The following SLBP variants were observed in gnomAD, a reference collection of about 807,000 sequenced individuals.
SLBP encodes the protein histone RNA hairpin-binding protein.
A neutral mutation model predicts 39.2 loss-of-function variants in SLBP; 29 were observed. That is an observed-to-expected ratio of 0.74 (90% CI 0.55 to 1.01). The LOEUF is 1.01. Ranked by LOEUF, SLBP falls within the 50% of genes least tolerant of loss-of-function variation. SLBP has a pLI of 0.00. For missense variants in SLBP, 390 were observed against 350.2 expected (o/e 1.11, Z -0.91); for synonymous variants, 129 against 118.7 (o/e 1.09, Z -0.57).
intron 7 of SLBP, among the ~76,000 whole-genome samples, chr4:1,694,266 A>T (rs1456857612): frequency 6.6e-6 from 1 of 152,148 alleles, no homozygotes; most frequent in Non-Finnish European, 1.5e-5. Flanking sequence ...TATTTTTAGT[A>T]GAGACTGGGT....
chr4:1,711,842 A>T, intron 2 of SLBP, 32 bp downstream of exon 2: 1 of 1,209,662 alleles, frequency 8.3e-7, no homozygotes, highest in Non-Finnish European at 1.1e-6. Context: ...CAAGGGCCCC[A>T]CCGCGCCCCG....
intron 3 of SLBP, 149 bp from the exon 4 acceptor site, chr4:1,700,219 G>T: frequency 1.1e-5 from 5 of 439,528 alleles, no homozygotes; most frequent in South Asian, 6.2e-5. Context: ...GTCAGGTTCA[G>T]TTTAAGTAGT....
At position 1,699,627 on chromosome 4, in the gene SLBP, T is replaced by C; in HGVS notation, c.416A>G (p.Gln139Arg). 6 of 1,613,640 alleles carry C rather than the reference T, an allele frequency of 3.7e-6. 1 individual carries two copies. The highest frequency in any genetic ancestry group is 5.1e-6 in the Non-Finnish European group (6 of 1,179,486). Residue 139 changes from glutamine (Q) to arginine (R), a missense_variant, in exon 5 of 8, where the codon CAG (glutamine) becomes CGG (arginine). Gln to Arg is a conservative substitution (Grantham distance 43). Transcript: ENST00000489418. ...ETDESVLMRR[Q>R]KQINYGKNTI... ...GTTCTTCCCATAGTTGATCTGCTTC[T>C]GTCTCCTCATTAGGACACTTTCATC... is the stretch of plus-strand genomic sequence containing the variant.
intron 1 of SLBP, 44 bp from the exon 2 acceptor site, chr4:1,712,034 C>T: frequency 2.4e-6 from 3 of 1,253,242 alleles, no homozygotes; most frequent in Non-Finnish European, 3.0e-6. Flanking sequence ...AGGTTCGGGA[C>T]CGCCTTACAA....
intron 5 of SLBP, among the ~76,000 whole-genome samples, chr4:1,696,633 C>A (rs1221064284): frequency 6.6e-6 from 1 of 152,056 alleles, no homozygotes; most frequent in Non-Finnish European, 1.5e-5. Context: ...AGCGGTGGCT[C>A]ACACCTATAA....
chr4:1,712,001 G>A lies in SLBP; in HGVS notation c.60-11C>T, dbSNP rs552979147. ...GCGGGGGACGGCGGGCTGCGGGGAG[G>A]GACGCGGTCGGCTGGGCACGGGAGG... On this transcript the variant is annotated splice_polypyrimidine_tract_variant and intron_variant, in intron 1 of 7. Transcript: ENST00000489418. 21 of 1,286,048 alleles carry A rather than the reference G, an allele frequency of 1.6e-5. No individual in the cohort carries two copies. In the African/African-American group the frequency reaches 2.8e-4, roughly 17 times the overall value. 79.7% of individuals were successfully genotyped at this position (1,286,048 alleles called of 1,614,324 possible).
chr4:1,703,427 C>G (rs1010774758), intron 3 of SLBP, among the ~76,000 whole-genome samples, 169 bp downstream of exon 3: 2 of 151,874 alleles, frequency 1.3e-5, no homozygotes, highest in African/African-American at 4.8e-5. Flanking sequence ...ATTCGCAGGC[C>G]CAGGGAAGGG....
At chr4:1,711,253 C>T (rs2108667550) in intron 2 of SLBP, among the ~76,000 whole-genome samples, 1 of 151,892 alleles carries the variant, frequency 6.6e-6, no homozygotes. Context: ...TTCCCTCCAC[C>T]TTCACTGCTC....
Position 1,699,603 on chromosome 4 carries a change from T to G in SLBP, c.440A>C (p.Asn147Thr). The G allele has an allele frequency of 6.2e-7, 1 of 1,613,972 alleles. No individual in the cohort carries two copies. Among genetic ancestry groups the G allele is most frequent in the Non-Finnish European group, 8.5e-7 (1 of 1,179,824 alleles). Reference protein sequence around the residue: ...RRQKQINYGKNTIAYDRYIKE... With the variant: ...RRQKQINYGKTTIAYDRYIKE... ...AATATAACGATCGTAGGCAATTGTG[T>G]TCTTCCCATAGTTGATCTGCTTCTG... The change falls in exon 5 of 8, where the codon AAC becomes ACC. Residue 147 changes from asparagine to threonine, a missense_variant. By Grantham distance (65) the Asn-to-Thr change is moderately conservative. Coordinates refer to ENST00000489418, the MANE Select transcript of SLBP (RefSeq NM_006527.4).
At chr4:1,704,016 G>C (rs1171133788) in intron 2 of SLBP, among the ~76,000 whole-genome samples, 1 of 152,174 alleles carries the variant, frequency 6.6e-6, no homozygotes, top group African/African-American at 2.4e-5. Context: ...CCTATCAGCT[G>C]CATCTGTCTA....
At chr4:1,712,097 C>G (rs1037468632) in intron 1 of SLBP, 33 bp downstream of exon 1, 13 of 1,228,108 alleles carry the variant, frequency 1.1e-5, no homozygotes, top group Non-Finnish European at 1.3e-5. Context: ...ACGGGGCACG[C>G]GCTCCCTCGC....
In SLBP at chr4:1,694,763, A is replaced by G. The variant is rs750400147; in HGVS notation, c.696+11T>C. 4 of 1,600,736 alleles carry G rather than the reference A, an allele frequency of 2.5e-6. No homozygotes were observed. In the Admixed American group the frequency reaches 5.0e-5, roughly 20 times the overall value. ...AACCCCCAAGCTGAAAGACTTATCC[A>G]AAGTACTTACAAAGTCATCCTGAGA... On this transcript the variant is annotated intron_variant, in intron 7 of 7. Transcript: ENST00000489418.
rs1716794186 is a variant in SLBP, at chr4:1,711,947, C to T, written c.103G>A (p.Ala35Thr). The T allele has an allele frequency of 5.2e-6, 7 of 1,337,698 alleles. No homozygotes were observed. The highest frequency in any genetic ancestry group is 6.7e-6 in the Non-Finnish European group (7 of 1,046,238). 82.9% of individuals were successfully genotyped at this position (1,337,698 alleles called of 1,614,324 possible). The change falls in exon 2 of 8, where the codon GCC (alanine) becomes ACC (threonine). Residue 35 changes from alanine (A) to threonine (T), a missense_variant. By Grantham distance (58) the Ala-to-Thr change is moderately conservative. Coordinates refer to ENST00000489418, the MANE Select transcript of SLBP (RefSeq NM_006527.4). Reference sequence around the variant, plus strand: ...TCGGGCCTCCAGCGCCTGCCGTCGGCTCTGCGCTTCCGTCCCAGGCTCCAT... The same window carrying T: ...TCGGGCCTCCAGCGCCTGCCGTCGGTTCTGCGCTTCCGTCCCAGGCTCCAT... ...ARWSLGRKRR[A>T]DGRRWRPEDA...
rs1348188129 is a variant in SLBP, at chr4:1,692,976, T to C, written c.*621A>G. The C allele has an allele frequency of 3.3e-5, 5 of 152,662 alleles. No individual in the cohort carries two copies. The highest frequency in any genetic ancestry group is 5.9e-5 in the Non-Finnish European group (4 of 68,072). The allele number at this position is 152,662 out of a possible 1,614,324, so 9.5% of individuals were successfully genotyped here. The stretch of plus-strand genomic sequence containing the variant: ...TTTTAAAATGTTCTTTCTAAATCGC[T>C]CCACTCTGCTGCCCTAACTCTTGGA... On this transcript the variant is annotated 3_prime_UTR_variant, in exon 8 of 8. Transcript: ENST00000489418.
intron 2 of SLBP, among the ~76,000 whole-genome samples, chr4:1,709,871 G>A (rs1716671435): frequency 6.6e-6 from 1 of 152,054 alleles, no homozygotes; most frequent in Admixed American, 6.6e-5. Flanking sequence ...TTTTGCCAAG[G>A]CGCTGGGATT....
chr4:1,708,900 A>C (rs1268095758), intron 2 of SLBP, among the ~76,000 whole-genome samples: 1 of 152,218 alleles, frequency 6.6e-6, no homozygotes, highest in Admixed American at 6.5e-5. Flanking sequence ...GAGGACACCA[A>C]AAACTTCCAT....
intron 4 of SLBP, 103 bp from the exon 5 acceptor site, chr4:1,699,804 CCA>C (rs1458302071): frequency 8.8e-7 from 1 of 1,138,314 alleles, no homozygotes; most frequent in Non-Finnish European, 1.3e-6. Flanking sequence ...AAGATTCACT[CCA>C]GATTCCCAAC....
chr4:1,698,995 G>A (rs1191950338), intron 5 of SLBP, among the ~76,000 whole-genome samples: 2 of 151,672 alleles, frequency 1.3e-5, no homozygotes, highest in Non-Finnish European at 2.9e-5. Flanking sequence ...TCCTTATATT[G>A]CCCAGGCTAG....
Position 1,711,924 on chromosome 4 carries a change from G to C in SLBP, c.126C>G (p.Pro42=). 4.4e-6 allele frequency: 6 copies of C among 1,360,792 alleles called. No homozygotes were observed. Among genetic ancestry groups the C allele is most frequent in the African/African-American group, 3.0e-5 (2 of 65,830 alleles). 84.3% of individuals were successfully genotyped at this position (1,360,792 alleles called of 1,614,324 possible). Residue 42 remains proline, a synonymous_variant, in exon 2 of 8, where the codon CCC becomes CCG. Coordinates refer to ENST00000489418, the MANE Select transcript of SLBP (RefSeq NM_006527.4). ...GGTGCTCTGCCTCCTCGGCGTCTTCGGGCCTCCAGCGCCTGCCGTCGGCTC... is the reference window on the plus strand; with the variant it reads ...GGTGCTCTGCCTCCTCGGCGTCTTCCGGCCTCCAGCGCCTGCCGTCGGCTC... The part of the protein sequence containing the change: ...KRRADGRRWR[P]EDAEEAEHRG...
Sources: gnomAD v4.1 joint callset for allele counts (sites outside exome capture counted in the v4.1 genomes callset) on GRCh38, gnomAD v4.1.1 for gene constraint, MANE v1.5 for transcripts, NCBI Gene and HGNC (gene_info 2026-07-23, HGNC 2026-07-21) for gene names.